The following PIEZO2 variants were observed in gnomAD, a reference collection of about 807,000 sequenced individuals.
PIEZO2 encodes piezo-type mechanosensitive ion channel component 2.
PIEZO2 carries 172 observed loss-of-function variants against 337.3 expected under a neutral mutation model. The observed-to-expected ratio is 0.51, with a 90% confidence interval of 0.45 to 0.58. The LOEUF (loss-of-function observed/expected upper bound fraction) is 0.58. Ranked by LOEUF, PIEZO2 falls within the 20% of genes least tolerant of loss-of-function variation. The pLI, the probability that PIEZO2 is intolerant of heterozygous loss-of-function variation, is 0.00. For missense variants in PIEZO2, 3,028 were observed against 3,391.3 expected (o/e 0.89, Z 2.66); for synonymous variants, 1,251 against 1,228.5 (o/e 1.02, Z -0.38).
rs1482340884 is a variant in PIEZO2, at chr18:11,078,934, G to T, written c.65-12712C>A. ...GTTTCCCAGGCTGCCTCAGCCTTCT[G>T]CTCTATTACCCTTCTTTTCAGTCTA... On this transcript the variant is annotated intron_variant, in intron 1 of 55. Transcript: ENST00000674853. The surrounding 1 kb of genome is among the most constrained non-coding windows in gnomAD (Gnocchi z 5.3). 6.6e-6 allele frequency among the ~76,000 whole-genome samples: 1 copy of T among 152,212 alleles called. No individual in the cohort carries two copies. Among genetic ancestry groups the T allele is most frequent in the African/African-American group, 2.4e-5 (1 of 41,450 alleles).
intron 1 of PIEZO2, among the ~76,000 whole-genome samples, chr18:11,079,554 T>C (rs1038023403): frequency 2.0e-5 from 3 of 152,202 alleles, no homozygotes; most frequent in Non-Finnish European, 4.4e-5. Flanking sequence ...CTAGGCCACT[T>C]TGGAACAGGA....
rs956856010 is a variant in PIEZO2, at chr18:10,706,589, C to T, written c.5589-843G>A. On this transcript the variant is annotated intron_variant, in intron 40 of 55. Coordinates refer to ENST00000674853, the MANE Select transcript of PIEZO2 (RefSeq NM_001378183.1). The stretch of plus-strand genomic sequence containing the variant: ...GAGTAGTCCTTTTCCAGAAGCTTCT[C>T]TACTCTCATCCTCACTCCCTGCCTT... Among the ~76,000 whole-genome samples, 4 of 152,220 alleles carry T rather than the reference C, an allele frequency of 2.6e-5. No homozygotes were observed. In the South Asian group the frequency reaches 8.3e-4, roughly 32 times the overall value.
intron 33 of PIEZO2, among the ~76,000 whole-genome samples, chr18:10,737,152 C>T (rs749716929): frequency 6.6e-6 from 1 of 151,924 alleles, no homozygotes; most frequent in South Asian, 2.1e-4. Context: ...GGGCCCAAAC[C>T]GTTGCAGATA....
intron 3 of PIEZO2, among the ~76,000 whole-genome samples, chr18:10,951,170 T>C (rs895185857): frequency 1.2e-4 from 18 of 152,234 alleles, no homozygotes; most frequent in South Asian, 1.0e-3. Context: ...TACCCACTGC[T>C]GTCAGTAACC....
chr18:10,845,650 A>G (rs1408049524), intron 7 of PIEZO2, among the ~76,000 whole-genome samples: 1 of 152,126 alleles, frequency 6.6e-6, no homozygotes, highest in Non-Finnish European at 1.5e-5. Context: ...AAGGAGCCCC[A>G]TTTTCAAGAC....
At chr18:11,017,753 CT>C (rs1325814112) in intron 2 of PIEZO2, among the ~76,000 whole-genome samples, 1 of 152,214 alleles carries the variant, frequency 6.6e-6, no homozygotes, top group Non-Finnish European at 1.5e-5. Flanking sequence ...ATGGAGACCT[CT>C]TCTTTTGAGC....
At position 11,021,797 on chromosome 18, in the gene PIEZO2, G is replaced by A. The variant is rs2036322865; in HGVS notation, c.161-42137C>T. On this transcript the variant is annotated intron_variant, in intron 2 of 55. Transcript: ENST00000674853. This position sits in a 1 kb window ranked among gnomAD's most constrained non-coding sequence, Gnocchi z 4.7. ...GGCATCATCTAGACGCTGGGGGACT[G>A]CAGATGCAAACCAGGAAAATGCCCA... Among the ~76,000 whole-genome samples the A allele has an allele frequency of 6.6e-6, 1 of 152,210 alleles. No individual in the cohort carries two copies. The highest frequency in any genetic ancestry group is 1.5e-5 in the Non-Finnish European group (1 of 68,046).
rs1357358398 is a variant in PIEZO2 at position 10,675,543 on chromosome 18, C to T, written c.8082-255G>A. Reference sequence around the variant, plus strand: ...AAGCTCGGTGATGGCTTACAAACAGCCACAGGCCTTTTCCCAATTCTGCAG... The same window carrying T: ...AAGCTCGGTGATGGCTTACAAACAGTCACAGGCCTTTTCCCAATTCTGCAG... On this transcript the variant is annotated intron_variant, in intron 53 of 55. Coordinates refer to ENST00000674853, the MANE Select transcript of PIEZO2 (RefSeq NM_001378183.1). 4.6e-5 allele frequency among the ~76,000 whole-genome samples: 7 copies of T among 152,340 alleles called. 1 individual carries two copies. The highest frequency in any genetic ancestry group is 6.8e-3 in the Middle Eastern group (2 of 294).
Position 10,696,106 on chromosome 18 carries a change from C to G in PIEZO2, c.7158G>C (p.Trp2386Cys). 6.2e-7 allele frequency: 1 copy of G among 1,614,150 alleles called. No individual in the cohort carries two copies. The highest frequency in any genetic ancestry group is 8.5e-7 in the Non-Finnish European group (1 of 1,180,010). ...TCACACCAGGTAAGATGAAGAACAT[C>G]CAGAAGTGAATTCCGAACACAAGAA... Reference protein sequence around the residue: ...QVILVFGIHFWMFFILPGVTE... With the variant: ...QVILVFGIHFCMFFILPGVTE... Residue 2386 changes from tryptophan (W) to cysteine (C), a missense_variant, in exon 47 of 56, where the codon TGG (tryptophan) becomes TGC (cysteine). Coordinates refer to ENST00000674853, the MANE Select transcript of PIEZO2 (RefSeq NM_001378183.1).
rs1319645054 is a variant in PIEZO2, at chr18:11,027,523, T to C, written c.160+38604A>G. 6.6e-6 allele frequency among the ~76,000 whole-genome samples: 1 copy of C among 152,222 alleles called. No homozygotes were observed. Among genetic ancestry groups the C allele is most frequent in the Non-Finnish European group, 1.5e-5 (1 of 68,044 alleles). On this transcript the variant is annotated intron_variant, in intron 2 of 55. Coordinates refer to ENST00000674853, the MANE Select transcript of PIEZO2 (RefSeq NM_001378183.1). The surrounding 1 kb of genome is among the most constrained non-coding windows in gnomAD (Gnocchi z 4.2). ...GATGATATAGGTTTTGCATGAGAGT[T>C]ATACCTAAAAGTCATCTGGAATAAT...
intron 2 of PIEZO2, among the ~76,000 whole-genome samples, chr18:11,064,180 G>C (rs555659591): frequency 8.5e-5 from 13 of 152,134 alleles, no homozygotes; most frequent in Non-Finnish European, 1.5e-4. Context: ...TTTTAGAAAC[G>C]CATGTGTTCT....
rs971851832 is a variant in PIEZO2 at position 11,101,096 on chromosome 18, T to A, written c.65-34874A>T. Among the ~76,000 whole-genome samples, 2 of 152,336 alleles carry A rather than the reference T, an allele frequency of 1.3e-5. No individual in the cohort carries two copies. The highest frequency in any genetic ancestry group is 1.5e-5 in the Non-Finnish European group (1 of 68,032). On this transcript the variant is annotated intron_variant, in intron 1 of 55. Transcript: ENST00000674853. The surrounding 1 kb of genome is among the most constrained non-coding windows in gnomAD (Gnocchi z 4.4). ...CCCCAGGGGACAGATGAGTCCCATG[T>A]GGCCAGAGTCTGGTTCAGATGTTTC...
intron 18 of PIEZO2, among the ~76,000 whole-genome samples, chr18:10,779,366 G>T (rs2038899001): frequency 1.3e-5 from 2 of 152,188 alleles, no homozygotes; most frequent in Non-Finnish European, 2.9e-5. Flanking sequence ...GCAATTACAA[G>T]AGTGAATATT....
chr18:10,726,912 G>A lies in PIEZO2; in HGVS notation c.5029+4495C>T, dbSNP rs2036567853. Reference sequence around the variant, plus strand: ...TGGCCACCAACCGGCTGGATGTGGCGGAGCTGGGTCGCCTGCTGCCCGACT... The same window carrying A: ...TGGCCACCAACCGGCTGGATGTGGCAGAGCTGGGTCGCCTGCTGCCCGACT... On this transcript the variant is annotated intron_variant, in intron 36 of 55. Coordinates refer to ENST00000674853, the MANE Select transcript of PIEZO2 (RefSeq NM_001378183.1). This position sits in a 1 kb window ranked among gnomAD's most constrained non-coding sequence, Gnocchi z 5.9. The A allele has an allele frequency of 5.7e-6, 9 of 1,575,222 alleles. No individual in the cohort carries two copies. The highest frequency in any genetic ancestry group is 7.8e-6 in the Non-Finnish European group (9 of 1,158,092).
chr18:10,913,439 G>C (rs417445), intron 3 of PIEZO2, among the ~76,000 whole-genome samples: 95,657 of 151,964 alleles, frequency 0.63, 30,252 homozygotes, highest in East Asian at 0.81. Context: ...TGCTCGGCTT[G>C]ACTTCTCTTG....
intron 14 of PIEZO2, among the ~76,000 whole-genome samples, chr18:10,790,411 A>G (rs946769024): frequency 5.3e-5 from 8 of 152,180 alleles, no homozygotes; most frequent in African/African-American, 1.9e-4. Context: ...AATCCATTCT[A>G]CAAATATTAA....
At chr18:10,720,222 ATG>A (rs199985733) in intron 36 of PIEZO2, among the ~76,000 whole-genome samples, 4 of 139,888 alleles carry the variant, frequency 2.9e-5, no homozygotes, top group African/African-American at 8.0e-5. Context: ...ATATGAATAT[ATG>A]TGTGTGTGTG....
intron 14 of PIEZO2, 61 bp from the exon 15 acceptor site, chr18:10,789,426 C>A: frequency 6.8e-7 from 1 of 1,476,860 alleles, no homozygotes; most frequent in Non-Finnish European, 8.9e-7. Context: ...CACACTTTGA[C>A]CATGTGATAG....
rs2035179318 is a variant in PIEZO2 at position 10,993,341 on chromosome 18, T to C, written c.161-13681A>G. ...TGCCCATTCAGTATGATATTGCCTGTGGGCCTATCATAAACAGCTCTTATT... is the reference window on the plus strand; with the variant it reads ...TGCCCATTCAGTATGATATTGCCTGCGGGCCTATCATAAACAGCTCTTATT... On this transcript the variant is annotated intron_variant, in intron 2 of 55. Coordinates refer to ENST00000674853, the MANE Select transcript of PIEZO2 (RefSeq NM_001378183.1). This position sits in a 1 kb window ranked among gnomAD's most constrained non-coding sequence, Gnocchi z 5.0. Among the ~76,000 whole-genome samples, 1 of 152,202 alleles carries C rather than the reference T, an allele frequency of 6.6e-6. No individual in the cohort carries two copies. The highest frequency in any genetic ancestry group is 2.1e-4 in the South Asian group (1 of 4,830).
Sources: gnomAD v4.1 joint callset for allele counts (sites outside exome capture counted in the v4.1 genomes callset) on GRCh38, gnomAD v4.1.1 for gene constraint, Gnocchi (gnomAD v3.1) non-coding constraint, MANE v1.5 for transcripts, NCBI Gene and HGNC (gene_info 2026-07-23, HGNC 2026-07-21) for gene names.